Variants in LCA5 observed in about 807,000 individuals in gnomAD.
LCA5 encodes the protein lebercilin.
Under a neutral mutation model 53.0 loss-of-function variants are expected in LCA5, and 37 were observed. The observed-to-expected ratio is 0.70, with a 90% confidence interval of 0.54 to 0.92. The LOEUF (loss-of-function observed/expected upper bound fraction) is 0.92. Among genes scored for constraint, LCA5 ranks in the 40% least tolerant of loss-of-function variants. The probability of loss-of-function intolerance (pLI) is 0.00; values close to 1 mark genes in which losing one functional copy is unlikely to be tolerated. For missense variants in LCA5, 806 were observed against 790.5 expected (o/e 1.02, Z -0.23); for synonymous variants, 303 against 282.9 (o/e 1.07, Z -0.71).
At chr6:79,495,104 C>T (rs1056007292) in intron 3 of LCA5, among the ~76,000 whole-genome samples, 11 of 152,192 alleles carry the variant, frequency 7.2e-5, no homozygotes, top group Admixed American at 5.9e-4. Context: ...AGCTCTGCAT[C>T]CTGTCAGATC....
At chr6:79,510,630 G>C (rs763335929) in intron 3 of LCA5, among the ~76,000 whole-genome samples, 4 of 152,094 alleles carry the variant, frequency 2.6e-5, no homozygotes, top group African/African-American at 4.8e-5. Context: ...GAAAGACACT[G>C]TGAAAAGGAT....
intron 3 of LCA5, among the ~76,000 whole-genome samples, chr6:79,496,781 G>A (rs1030392872): frequency 6.6e-6 from 1 of 152,040 alleles, no homozygotes; most frequent in Admixed American, 6.6e-5. Flanking sequence ...CTTCTGGGTT[G>A]ACAGACATTA....
At chr6:79,529,575 G>T (rs1347892333) in intron 1 of LCA5, among the ~76,000 whole-genome samples, 2 of 151,856 alleles carry the variant, frequency 1.3e-5, no homozygotes, top group Non-Finnish European at 2.9e-5. Flanking sequence ...CCTTGTGAGG[G>T]GTATAAAACT....
chr6:79,497,210 G>A (rs1041520184), intron 3 of LCA5, among the ~76,000 whole-genome samples: 3 of 152,296 alleles, frequency 2.0e-5, no homozygotes, highest in South Asian at 2.1e-4. Context: ...ATCAACGGAT[G>A]CTAAATTTTC....
chr6:79,521,868 C>G (rs180963101), intron 1 of LCA5, among the ~76,000 whole-genome samples: 1 of 152,104 alleles, frequency 6.6e-6, no homozygotes, highest in Non-Finnish European at 1.5e-5. Context: ...AAAGCAAGGA[C>G]GCTATCAGAT....
At chr6:79,529,875 A>G (rs183388447) in intron 1 of LCA5, among the ~76,000 whole-genome samples, 1 of 145,808 alleles carries the variant, frequency 6.9e-6, no homozygotes, top group South Asian at 2.2e-4. Context: ...CAAACACCGC[A>G]TGTTCTCACT....
chr6:79,492,766 T>C (rs1189484912), intron 4 of LCA5, 119 bp from the exon 5 acceptor site: 8 of 632,668 alleles, frequency 1.3e-5, no homozygotes, highest in Admixed American at 2.6e-5. Context: ...TTCAGCTTCC[T>C]TTTGTAACTA....
Position 79,513,625 on chromosome 6 carries a change from G to T in LCA5, c.307C>A (p.Arg103=). 6.2e-7 allele frequency: 1 copy of T among 1,613,768 alleles called. No individual in the cohort carries two copies. Among genetic ancestry groups the T allele is most frequent in the South Asian group, 1.1e-5 (1 of 91,072 alleles). Residue 103 remains arginine (R), a synonymous_variant, in exon 3 of 8, where the codon CGG becomes AGG. Transcript: ENST00000369846. The part of the protein sequence containing the change: ...LRKDTDLVTK[R]ILSARLLKIN... ...TTTAGCAGTCTTGCAGACAGAATCC[G>T]TTTTGTAACAAGATCAGTATCTTTC...
At position 79,492,592 on chromosome 6, in the gene LCA5, G is replaced by A; in HGVS notation, c.914C>T (p.Ser305Phe). 1 of 1,569,802 alleles carries A rather than the reference G, an allele frequency of 6.4e-7. No homozygotes were observed. The highest frequency in any genetic ancestry group is 1.1e-5 in the South Asian group (1 of 87,740). ...AAGTTCTTTCTCTTTATTTGGAGAG[G>A]ACTTTGGCAGACGATTAGAATATAT... ...KNIYSNRLPK[S>F]SPNKEKELAL... is the part of the protein sequence containing the mutation. The change falls in exon 5 of 8, where the codon TCC becomes TTC. Residue 305 changes from serine (S) to phenylalanine (F), a missense_variant. Coordinates refer to ENST00000369846, the MANE Select transcript of LCA5 (RefSeq NM_001122769.3).
intron 1 of LCA5, among the ~76,000 whole-genome samples, chr6:79,531,561 T>G (rs1222514914): frequency 6.6e-6 from 1 of 152,028 alleles, no homozygotes; most frequent in Non-Finnish European, 1.5e-5. Context: ...TCCCCACCAC[T>G]CCACTGAAAC....
At chr6:79,517,783 T>C (rs9448737) in intron 2 of LCA5, among the ~76,000 whole-genome samples, 1 of 152,140 alleles carries the variant, frequency 6.6e-6, no homozygotes, top group South Asian at 2.1e-4. Context: ...AACTTAATTA[T>C]GTCCTTGCTT....
upstream of LCA5, among the ~76,000 whole-genome samples, chr6:79,538,443 C>A (rs957067089): frequency 6.6e-6 from 1 of 152,098 alleles, no homozygotes; most frequent in East Asian, 1.9e-4. Context: ...ACTAACCCAC[C>A]CAAACAATAT....
At chr6:79,489,014 G>A in intron 7 of LCA5, 70 bp downstream of exon 7, 1 of 1,548,976 alleles carries the variant, frequency 6.5e-7, no homozygotes, top group South Asian at 1.1e-5. Context: ...GAAGATATTA[G>A]AAGACGCTCA....
At chr6:79,526,184 C>T (rs529780955) in intron 1 of LCA5, among the ~76,000 whole-genome samples, 2 of 152,258 alleles carry the variant, frequency 1.3e-5, no homozygotes, top group African/African-American at 4.8e-5. Flanking sequence ...ATCACCTTTC[C>T]GGTGGGGTGG....
rs552300928 is a variant in LCA5, at chr6:79,511,756, A to G, written c.720+1456T>C. On this transcript the variant is annotated intron_variant, in intron 3 of 7. Transcript: ENST00000369846. ...AAAATAAAAATTTTAAAAACTTCCAATATGAAAAAAAATGAGGATACAATA... is the reference window on the plus strand; with the variant it reads ...AAAATAAAAATTTTAAAAACTTCCAGTATGAAAAAAAATGAGGATACAATA... Among the ~76,000 whole-genome samples the G allele has an allele frequency of 5.9e-5, 9 of 152,278 alleles. No individual in the cohort carries two copies. The South Asian group carries it at 1.9e-3, about 32-fold the overall frequency.
chr6:79,532,607 A>G (rs1032495515), intron 1 of LCA5, among the ~76,000 whole-genome samples: 1 of 152,178 alleles, frequency 6.6e-6, no homozygotes, highest in African/African-American at 2.4e-5. Context: ...TTGCTGCACT[A>G]ATTAGAACTT....
intron 7 of LCA5, 77 bp from the exon 8 acceptor site, chr6:79,487,943 A>G: frequency 9.1e-7 from 1 of 1,098,918 alleles, no homozygotes; most frequent in South Asian, 1.4e-5. Flanking sequence ...CAACTTTCAT[A>G]AAACCACCAT....
Position 79,486,367 on chromosome 6 carries a change from T to A in LCA5, c.*637A>T, listed in dbSNP as rs1769654146. 3.3e-5 allele frequency: 5 copies of A among 152,234 alleles called. No homozygotes were observed. The South Asian group carries it at 1.0e-3, about 32-fold the overall frequency. 9.4% of individuals were successfully genotyped at this position (152,234 alleles called of 1,614,324 possible). A position where few individuals can be genotyped will look rare whatever the true frequency, so the allele number is the denominator to read the frequency against. On this transcript the variant is annotated 3_prime_UTR_variant, in exon 8 of 8. Coordinates refer to ENST00000369846, the MANE Select transcript of LCA5 (RefSeq NM_001122769.3). ...AATGTCTTCCGAACTCAACATAATA[T>A]TCTAACAGAATTGTAGGTAAGTGAT...
Position 79,487,763 on chromosome 6 carries a change from C to T in LCA5, c.1335G>A (p.Met445Ile), listed in dbSNP as rs768737538. The change falls in exon 8 of 8, where the codon ATG (methionine) becomes ATA (isoleucine). Residue 445 changes from methionine (M) to isoleucine (I), a missense_variant. Met to Ile is a conservative substitution (Grantham distance 10, BLOSUM62 1). Coordinates refer to ENST00000369846, the MANE Select transcript of LCA5 (RefSeq NM_001122769.3). ...EWETGRYQLGMYPIQNMDKLQ... is the reference protein window; with the variant it reads ...EWETGRYQLGIYPIQNMDKLQ... The stretch of plus-strand genomic sequence containing the variant: ...ATTTATCCATATTCTGAATTGGATA[C>T]ATTCCTAGTTGGTACCTTCCAGTTT... 2.5e-6 allele frequency: 4 copies of T among 1,613,522 alleles called. No homozygotes were observed. Among genetic ancestry groups the T allele is most frequent in the African/African-American group, 1.3e-5 (1 of 74,888 alleles).
Sources: gnomAD v4.1 joint callset for allele counts (sites outside exome capture counted in the v4.1 genomes callset) on GRCh38, gnomAD v4.1.1 for gene constraint, MANE v1.5 for transcripts, NCBI Gene and HGNC (gene_info 2026-07-23, HGNC 2026-07-21) for gene names.